PRDM15: variants seen among roughly 807,000 people sequenced by gnomAD.
PRDM15 encodes PR/SET domain 15, also known as PR domain zinc finger protein 15.
Under a neutral mutation model 128.6 loss-of-function variants are expected in PRDM15, and 64 were observed. That is an observed-to-expected ratio of 0.50 (90% confidence interval 0.41 to 0.61). PRDM15 has a LOEUF of 0.61. PRDM15 is among the 20% of genes least tolerant of loss of function. PRDM15 has a pLI of 0.00. For missense variants in PRDM15, 1,242 were observed against 1,569.1 expected (o/e 0.79, Z 3.52); for synonymous variants, 615 against 621.8 (o/e 0.99, Z 0.16).
intron 3 of PRDM15, among the ~76,000 whole-genome samples, chr21:41,858,849 T>G (rs1601426841): frequency 6.6e-6 from 1 of 151,958 alleles, no homozygotes; most frequent in East Asian, 1.9e-4. Context: ...AAAAAATAAA[T>G]GAACGGTGTT....
chr21:41,836,376 G>T, intron 9 of PRDM15, 92 bp downstream of exon 9: 1 of 1,397,932 alleles, frequency 7.2e-7, no homozygotes. Flanking sequence ...CGTGGGAGAC[G>T]ACCCAAGGAG....
chr21:41,861,132 C>T (rs1284208434), intron 1 of PRDM15, among the ~76,000 whole-genome samples: 6 of 152,168 alleles, frequency 3.9e-5, no homozygotes, highest in Non-Finnish European at 8.8e-5. Flanking sequence ...ATCGTGCCCA[C>T]CTATATCACC....
At chr21:41,865,879 G>A (rs2063991106) in intron 1 of PRDM15, among the ~76,000 whole-genome samples, 1 of 152,006 alleles carries the variant, frequency 6.6e-6, no homozygotes, top group Non-Finnish European at 1.5e-5. Context: ...CAAGTAGCTG[G>A]GACTACAGGC....
intron 10 of PRDM15, 34 bp from the exon 11 acceptor site, chr21:41,835,558 C>T (rs748661487): frequency 2.5e-6 from 4 of 1,576,032 alleles, no homozygotes; most frequent in Non-Finnish European, 3.5e-6. Context: ...GTGAGATGGC[C>T]CAGCGCAGAG....
At position 41,854,452 on chromosome 21, in the gene PRDM15, C is replaced by G. The variant is rs1025289834; in HGVS notation, c.538+114G>C. On this transcript the variant is annotated intron_variant, in intron 5 of 23. Coordinates refer to ENST00000398548, the MANE Select transcript of PRDM15 (RefSeq NM_001040424.3). This position sits in a 1 kb window ranked among gnomAD's most constrained non-coding sequence, Gnocchi z 4.6. ...TCCTCCACTCTCCGCATCCCAGCAG[C>G]TGGCCCAGCCCAACCCATCTCATCA... 3.0e-6 allele frequency: 4 copies of G among 1,354,634 alleles called. No individual in the cohort carries two copies. The highest frequency in any genetic ancestry group is 4.0e-6 in the Non-Finnish European group (4 of 999,948). 83.9% of individuals were successfully genotyped at this position (1,354,634 alleles called of 1,614,324 possible).
At position 41,867,439 on chromosome 21, in the gene PRDM15, A is replaced by G. The variant is rs546322550; in HGVS notation, c.-9-7067T>C. On this transcript the variant is annotated intron_variant, in intron 1 of 23. Transcript: ENST00000398548. ...CACACTTCAGCAGAACAGGTGAAAC[A>G]TACATGTTGAAGAGACAGAGTCTCA... 54 of 1,254,424 alleles carry G rather than the reference A, an allele frequency of 4.3e-5. No homozygotes were observed. In the Admixed American group the frequency reaches 9.3e-4, roughly 22 times the overall value. 77.7% of individuals were successfully genotyped at this position (1,254,424 alleles called of 1,614,324 possible).
At chr21:41,861,596 G>A in intron 1 of PRDM15, 1 of 1,613,058 alleles carries the variant, frequency 6.2e-7, no homozygotes. Flanking sequence ...CTTCTCTGAT[G>A]CCCGTTGCTG....
Position 41,859,807 on chromosome 21 carries a change from C to T in PRDM15, c.38-122G>A, listed in dbSNP as rs149515810. 24 of 769,750 alleles carry T rather than the reference C, an allele frequency of 3.1e-5. No individual in the cohort carries two copies. In the East Asian group the frequency reaches 5.1e-4, roughly 16 times the overall value. 47.7% of individuals were successfully genotyped at this position (769,750 alleles called of 1,614,324 possible). A position where few individuals can be genotyped will look rare whatever the true frequency, so the allele number is the denominator to read the frequency against. The stretch of plus-strand genomic sequence containing the variant: ...CCAGAGTCATGAGACACATGCATGC[C>T]GACACTGCAAAGACAAGCAAGGGAG... On this transcript the variant is annotated intron_variant, in intron 2 of 23. Transcript: ENST00000398548. The surrounding 1 kb of genome is among the most constrained non-coding windows in gnomAD (Gnocchi z 5.3).
chr21:41,861,886 CCCAA>C (rs770864708), intron 1 of PRDM15: 1 of 1,599,976 alleles, frequency 6.3e-7, no homozygotes, highest in South Asian at 1.1e-5. Flanking sequence ...GAAATTTTCT[CCCAA>C]AACAGCACTG....
At chr21:41,861,722 T>C (rs1342880337) in intron 1 of PRDM15, 2 of 1,614,150 alleles carry the variant, frequency 1.2e-6, no homozygotes, top group Non-Finnish European at 1.7e-6. Flanking sequence ...AAAACTCATA[T>C]GGAAACTCAC....
At chr21:41,869,357 T>G (rs1444842353) in intron 1 of PRDM15, among the ~76,000 whole-genome samples, 1 of 151,864 alleles carries the variant, frequency 6.6e-6, no homozygotes, top group Non-Finnish European at 1.5e-5. Context: ...CTCGGCTCAC[T>G]GCAACCTCCA....
chr21:41,870,962 T>G (rs3746899), intron 1 of PRDM15: 101,507 of 152,178 alleles, frequency 0.67, 35,441 homozygotes, highest in Non-Finnish European at 0.77. Flanking sequence ...GGTGGCCTGG[T>G]ACTCACCAAG....
chr21:41,873,730 G>T lies in PRDM15; in HGVS notation c.-10+5540C>A, dbSNP rs893028978. 1.1e-4 allele frequency among the ~76,000 whole-genome samples: 16 copies of T among 152,232 alleles called. No homozygotes were observed. In the East Asian group the frequency reaches 2.7e-3, roughly 26 times the overall value. ...CTGGTTCTTTAAGAGGGAGAGAAAG[G>T]TGTGCCCTCTACCATCTTAAAAATG... is the stretch of plus-strand genomic sequence containing the variant. On this transcript the variant is annotated intron_variant, in intron 1 of 23. Coordinates refer to ENST00000398548, the MANE Select transcript of PRDM15 (RefSeq NM_001040424.3).
chr21:41,860,470 T>C (rs2063777035), intron 1 of PRDM15, 98 bp from the exon 2 acceptor site: 5 of 1,003,792 alleles, frequency 5.0e-6, no homozygotes, highest in East Asian at 2.5e-5. Flanking sequence ...CCAGGATAGA[T>C]AGAGTACAGT....
At position 41,839,634 on chromosome 21, in the gene PRDM15, T is replaced by C; in HGVS notation, c.860A>G (p.Lys287Arg). 1 of 1,613,868 alleles carries C rather than the reference T, an allele frequency of 6.2e-7. No homozygotes were observed. The highest frequency in any genetic ancestry group is 1.3e-5 in the African/African-American group (1 of 75,058). The stretch of plus-strand genomic sequence containing the variant: ...GACCCGCTCATCACCTGTGGGTTCC[T>C]TGTCTTCCACGATGACTAGAGGCTG... ...AEQPLVIVED[K>R]EPTEQVAEII... The change falls in exon 7 of 24, where the codon AAG becomes AGG. Residue 287 changes from lysine to arginine, a missense_variant. By Grantham distance (26) the Lys-to-Arg change is conservative. This residue lies in a region of PRDM15 where 612 missense variants were observed against 717.0 expected (regional missense o/e 0.85). Coordinates refer to ENST00000398548, the MANE Select transcript of PRDM15 (RefSeq NM_001040424.3).
In PRDM15 at chr21:41,857,239, C is replaced by CTG; in HGVS notation, c.220_221dup (p.Gln74HisfsTer22). 1 of 1,613,874 alleles carries CTG rather than the reference C, an allele frequency of 6.2e-7. No individual in the cohort carries two copies. The highest frequency in any genetic ancestry group is 8.5e-7 in the Non-Finnish European group (1 of 1,179,970). ...CCCTCCTGGACTCAAAGGGACCGAA[C>CTG]TGTGTCCGCTTGACGAGCTGAGTGA... On this transcript the variant is annotated frameshift_variant, in exon 4 of 24. Coordinates refer to ENST00000398548, the MANE Select transcript of PRDM15 (RefSeq NM_001040424.3). LOFTEE classifies it high-confidence loss of function.
At position 41,821,075 on chromosome 21, in the gene PRDM15, G is replaced by T. The variant is rs372152938; in HGVS notation, c.2052C>A (p.Asn684Lys). The change falls in exon 16 of 24, where the codon AAC (asparagine) becomes AAA (lysine). Residue 684 changes from asparagine (N) to lysine (K), a missense_variant. Asn to Lys is a moderately conservative substitution (Grantham distance 94, BLOSUM62 0). Coordinates refer to ENST00000398548, the MANE Select transcript of PRDM15 (RefSeq NM_001040424.3). This position sits in a 1 kb window ranked among gnomAD's most constrained non-coding sequence, Gnocchi z 5.4. ...VIHRENLPDP[N>K]VQKYIHPCEI... ...CCCCGACCAGGCCTCACTTCTGCAC[G>T]TTGGGGTCCGGCAGGTTTTCACGGT... The T allele has an allele frequency of 5.0e-6, 8 of 1,614,202 alleles. No individual in the cohort carries two copies. The highest frequency in any genetic ancestry group is 6.8e-6 in the Non-Finnish European group (8 of 1,180,030).
Position 41,862,242 on chromosome 21 carries a change from G to C in PRDM15, c.-9-1870C>G, listed in dbSNP as rs1456225499. On this transcript the variant is annotated intron_variant, in intron 1 of 23. Coordinates refer to ENST00000398548, the MANE Select transcript of PRDM15 (RefSeq NM_001040424.3). This position sits in a 1 kb window ranked among gnomAD's most constrained non-coding sequence, Gnocchi z 4.1. ...GGGCGATGGGAACGATAGGCCTTAAGAGGCGCCCCACACTGCGGTCAGATC... is the reference window on the plus strand; with the variant it reads ...GGGCGATGGGAACGATAGGCCTTAACAGGCGCCCCACACTGCGGTCAGATC... 2.0e-5 allele frequency among the ~76,000 whole-genome samples: 3 copies of C among 152,198 alleles called. No homozygotes were observed. The highest frequency in any genetic ancestry group is 4.4e-5 in the Non-Finnish European group (3 of 68,034).
intron 6 of PRDM15, among the ~76,000 whole-genome samples, chr21:41,842,824 G>C (rs1169902258): frequency 1.1e-5 from 1 of 90,256 alleles, no homozygotes; most frequent in Non-Finnish European, 2.4e-5. Flanking sequence ...TCACTCTGTC[G>C]CCCAGGATGG....
Sources: gnomAD v4.1 joint callset for allele counts (sites outside exome capture counted in the v4.1 genomes callset) on GRCh38, gnomAD v4.1.1 for gene constraint, gnomAD v4.1.1 regional missense constraint, Gnocchi (gnomAD v3.1) non-coding constraint, MANE v1.5 for transcripts, NCBI Gene and HGNC (gene_info 2026-07-23, HGNC 2026-07-21) for gene names.